CLDN16: variants seen among roughly 807,000 people sequenced by gnomAD.
CLDN16 encodes claudin-16.
A neutral mutation model predicts 24.6 loss-of-function variants in CLDN16; 13 were observed. The observed-to-expected ratio is 0.53, with a 90% CI of 0.34 to 0.84. The LOEUF is 0.84. Among genes scored for constraint, CLDN16 ranks in the 40% least tolerant of loss-of-function variants. The pLI is 0.01. For synonymous variants in CLDN16, 116 were observed against 106.7 expected, an observed-to-expected ratio of 1.09 and a Z score of -0.54; for missense variants, 298 against 292.7, an observed-to-expected ratio of 1.02 and a Z score of -0.13.
At chr3:190,350,343 G>GA (rs1553804096) in intron 1 of CLDN16, among the ~76,000 whole-genome samples, 13,645 of 96,466 alleles carry the variant, frequency 0.14, 836 homozygotes, top group East Asian at 0.25. Context: ...AGTTCATAAT[G>GA]TTATATATAT....
At chr3:190,317,580 T>TA (rs1198375486), upstream of CLDN16, among the ~76,000 whole-genome samples, 12 of 152,352 alleles carry the variant, frequency 7.9e-5, no homozygotes, top group African/African-American at 2.9e-4. Flanking sequence ...CTACTATCAA[T>TA]ACCAGACATT....
chr3:190,374,979 T>C (rs1227604118), intron 3 of CLDN16, among the ~76,000 whole-genome samples: 1 of 151,968 alleles, frequency 6.6e-6, no homozygotes, highest in Non-Finnish European at 1.5e-5. Context: ...TACAAGTATC[T>C]TGGATTTATA....
intron 3 of CLDN16, among the ~76,000 whole-genome samples, chr3:190,381,436 G>A (rs563808702): frequency 2.0e-5 from 3 of 152,124 alleles, no homozygotes; most frequent in African/African-American, 4.8e-5. Context: ...TCTTCCACAA[G>A]GTTACCATCA....
chr3:190,387,863 C>T (rs1041611292), upstream of CLDN16: 7 of 535,084 alleles, frequency 1.3e-5, no homozygotes, highest in Admixed American at 3.1e-5. Flanking sequence ...ACTCAGTCAA[C>T]CGTGTAGCCT....
the CLDN16 span, among the ~76,000 whole-genome samples, chr3:190,293,548 C>A: frequency 2.0e-5 from 3 of 152,048 alleles, no homozygotes; most frequent in Non-Finnish European, 4.4e-5. Context: ...CATGAGTGGA[C>A]AAGGATTAAA....
chr3:190,388,108 T>C (rs772239566), upstream of CLDN16: 7 of 1,613,428 alleles, frequency 4.3e-6, no homozygotes, highest in African/African-American at 9.3e-5. Context: ...TGGAGGCTGG[T>C]TGCTTCGGAT....
chr3:190,371,039 T>TATATATATATATATATATATATAA (rs1162902114), intron 2 of CLDN16: 2 of 2,990 alleles, frequency 6.7e-4, no homozygotes, highest in South Asian at 0.012. Flanking sequence ...TATATATATA[T>TATATATATATATATATATATATAA]AAAATATATA....
chr3:190,388,166 C>G lies in CLDN16; in HGVS notation c.-164C>G. 1.2e-6 allele frequency: 2 copies of G among 1,614,010 alleles called. No homozygotes were observed. The highest frequency in any genetic ancestry group is 1.7e-6 in the Non-Finnish European group (2 of 1,179,986). ...TTGGTTACAGCCTGTTTGTATTATT[C>G]TTACTGCAACTCAAGACACCTGCAG... On this transcript the variant is annotated 5_prime_UTR_variant, in exon 1 of 5. Coordinates refer to ENST00000264734, the MANE Select transcript of CLDN16 (RefSeq NM_006580.4).
the CLDN16 span, among the ~76,000 whole-genome samples, chr3:190,291,022 T>A: frequency 6.6e-6 from 1 of 152,192 alleles, no homozygotes; most frequent in Non-Finnish European, 1.5e-5. Context: ...TTCTATATGA[T>A]GGTCTTGGGA....
At chr3:190,379,902 C>A (rs553932118) in intron 3 of CLDN16, among the ~76,000 whole-genome samples, 1 of 152,078 alleles carries the variant, frequency 6.6e-6, no homozygotes, top group East Asian at 1.9e-4. Flanking sequence ...CATTTATGGT[C>A]CTATAACATT....
chr3:190,343,360 T>A (rs1717480261), intron 1 of CLDN16, among the ~76,000 whole-genome samples: 1 of 152,068 alleles, frequency 6.6e-6, no homozygotes, highest in African/African-American at 2.4e-5. Flanking sequence ...CTTTTGGGAA[T>A]GTAGATTGGT....
At chr3:190,348,316 G>A (rs796536279) in intron 1 of CLDN16, among the ~76,000 whole-genome samples, 2 of 128,870 alleles carry the variant, frequency 1.6e-5, no homozygotes, top group African/African-American at 5.9e-5. Context: ...ACAATGTCAA[G>A]GAAGACAGCA....
At chr3:190,351,638 T>A (rs1232443047) in intron 1 of CLDN16, among the ~76,000 whole-genome samples, 1 of 152,218 alleles carries the variant, frequency 6.6e-6, no homozygotes, top group Non-Finnish European at 1.5e-5. Context: ...TTAAGGTTTT[T>A]ATTTTTTTAA....
At chr3:190,291,936 GC>G in the CLDN16 span, among the ~76,000 whole-genome samples, 1 of 152,180 alleles carries the variant, frequency 6.6e-6, no homozygotes, top group South Asian at 2.1e-4. Flanking sequence ...AAGGGGGCGG[GC>G]CCCCACAGCC....
intron 1 of CLDN16, among the ~76,000 whole-genome samples, chr3:190,356,783 A>G (rs1200632296): frequency 6.6e-6 from 1 of 151,952 alleles, no homozygotes; most frequent in Non-Finnish European, 1.5e-5. Context: ...ACAACTATGG[A>G]TAAGTTATAT....
At chr3:190,361,447 C>A (rs1717885627) in intron 1 of CLDN16, among the ~76,000 whole-genome samples, 1 of 151,966 alleles carries the variant, frequency 6.6e-6, no homozygotes, top group African/African-American at 2.4e-5. Flanking sequence ...TGGTTTGACT[C>A]TGAAACAAAA....
chr3:190,357,346 A>G (rs891643068), intron 1 of CLDN16, among the ~76,000 whole-genome samples: 8 of 151,806 alleles, frequency 5.3e-5, no homozygotes, highest in African/African-American at 1.9e-4. Context: ...TTGGTTTGAA[A>G]ATTTTCTCAT....
intron 1 of CLDN16, among the ~76,000 whole-genome samples, chr3:190,338,831 G>A (rs1456513430): frequency 6.6e-6 from 1 of 152,234 alleles, no homozygotes; most frequent in Non-Finnish European, 1.5e-5. Flanking sequence ...TGAGAAGTGT[G>A]AGTGGCAGAC....
intron 1 of CLDN16, among the ~76,000 whole-genome samples, chr3:190,337,751 A>G (rs937204484): frequency 2.9e-4 from 44 of 152,320 alleles, no homozygotes; most frequent in African/African-American, 9.6e-4. Flanking sequence ...CTTTTCTACC[A>G]GTAGTATTTC....
Sources: gnomAD v4.1 joint callset for allele counts (sites outside exome capture counted in the v4.1 genomes callset) on GRCh38, gnomAD v4.1.1 for gene constraint, MANE v1.5 for transcripts, NCBI Gene and HGNC (gene_info 2026-07-23, HGNC 2026-07-21) for gene names.